The following NAT10 variants were observed in gnomAD, a reference collection of about 807,000 sequenced individuals.
NAT10 encodes RNA cytidine acetyltransferase.
NAT10 carries 109 observed loss-of-function variants against 132.2 expected under a neutral mutation model. The observed-to-expected ratio is 0.82, with a 90% confidence interval of 0.71 to 0.97. The LOEUF (loss-of-function observed/expected upper bound fraction) is 0.97, where lower values mean the gene tolerates loss of function less well. NAT10 is among the 50% of genes least tolerant of loss of function. NAT10 has a pLI of 0.00. For synonymous variants in NAT10, 479 were observed against 478.0 expected, an observed-to-expected ratio of 1.00 and a Z score of -0.03; for missense variants, 1,184 against 1,263.4, an observed-to-expected ratio of 0.94 and a Z score of 0.95.
intron 11 of NAT10, among the ~76,000 whole-genome samples, chr11:34,127,076 AGAAAG>A (rs1852008126): frequency 6.6e-6 from 1 of 152,102 alleles, no homozygotes; most frequent in Non-Finnish European, 1.5e-5. Context: ...GACAAAGGAG[AGAAAG>A]GAAAGGGAGC....
At chr11:34,141,940 T>C in intron 26 of NAT10, 123 bp downstream of exon 26, 1 of 812,954 alleles carries the variant, frequency 1.2e-6, no homozygotes, top group South Asian at 1.8e-5. Context: ...AGCTAAGTGC[T>C]ATTCTGTAGG....
intron 19 of NAT10, among the ~76,000 whole-genome samples, chr11:34,136,426 A>G (rs1852214092): frequency 6.6e-6 from 1 of 152,156 alleles, no homozygotes; most frequent in African/African-American, 2.4e-5. Context: ...CCTGCATTCT[A>G]GAGGTCTGAA....
chr11:34,120,988 G>A (rs891912277), intron 8 of NAT10, among the ~76,000 whole-genome samples: 106 of 152,288 alleles, frequency 7.0e-4, no homozygotes, highest in African/African-American at 2.4e-3. Context: ...GCCTGGGGGA[G>A]GGGTGTCCCT....
At chr11:34,135,823 C>T (rs1852199652) in intron 19 of NAT10, among the ~76,000 whole-genome samples, 1 of 152,026 alleles carries the variant, frequency 6.6e-6, no homozygotes. Context: ...ATTAGCCGAG[C>T]ATGGTGGTGC....
At chr11:34,111,922 C>A in intron 3 of NAT10, 130 bp from the exon 4 acceptor site, 1 of 1,028,330 alleles carries the variant, frequency 9.7e-7, no homozygotes, top group Non-Finnish European at 1.4e-6. Flanking sequence ...CTGAAGTGGG[C>A]CTCACACTTT....
chr11:34,136,017 G>C (rs1330788940), intron 19 of NAT10, among the ~76,000 whole-genome samples: 1 of 151,924 alleles, frequency 6.6e-6, no homozygotes, highest in Non-Finnish European at 1.5e-5. Context: ...AAGGCTGTCA[G>C]GTGATAGAAC....
At position 34,112,148 on chromosome 11, in the gene NAT10, C is replaced by G; in HGVS notation, c.297C>G (p.Ala99=). 1 of 1,614,206 alleles carries G rather than the reference C, an allele frequency of 6.2e-7. No homozygotes were observed. The highest frequency in any genetic ancestry group is 8.5e-7 in the Non-Finnish European group (1 of 1,180,052). The change falls in exon 4 of 29, where the codon GCC becomes GCG. Residue 99 remains alanine (A), a synonymous_variant. Coordinates refer to ENST00000257829, the MANE Select transcript of NAT10 (RefSeq NM_024662.3). Reference sequence around the variant, plus strand: ...ACCCCTTTGAACTCTTCATAGCAGCCACAAACATTCGCTACTGCTACTACA... The same window carrying G: ...ACCCCTTTGAACTCTTCATAGCAGCGACAAACATTCGCTACTGCTACTACA... ...QDDPFELFIA[A]TNIRYCYYNE...
Position 34,108,852 on chromosome 11 carries a change from G to T in NAT10, c.200+19G>T. On this transcript the variant is annotated intron_variant, in intron 3 of 28. Coordinates refer to ENST00000257829, the MANE Select transcript of NAT10 (RefSeq NM_024662.3). Reference sequence around the variant, plus strand: ...TTAGCAGGTAAGCTGGGCTCTTCATGTGTTTTATCCAACTTACAATTCCTG... The same window carrying T: ...TTAGCAGGTAAGCTGGGCTCTTCATTTGTTTTATCCAACTTACAATTCCTG... The T allele has an allele frequency of 6.3e-7, 1 of 1,596,262 alleles. No homozygotes were observed. The highest frequency in any genetic ancestry group is 1.4e-5 in the African/African-American group (1 of 73,866).
intron 11 of NAT10, among the ~76,000 whole-genome samples, chr11:34,125,880 G>T (rs922996023): frequency 2.0e-5 from 3 of 152,278 alleles, no homozygotes; most frequent in African/African-American, 7.2e-5. Flanking sequence ...AGGAGAATTG[G>T]TTGAACCCGA....
At chr11:34,141,418 A>T (rs984098745) in intron 25 of NAT10, among the ~76,000 whole-genome samples, 2,285 of 144,702 alleles carry the variant, frequency 0.016, 53 homozygotes, top group African/African-American at 0.049. Context: ...TCACACACAC[A>T]CACACACACA....
intron 3 of NAT10, among the ~76,000 whole-genome samples, chr11:34,109,101 G>T (rs1851648426): frequency 6.6e-6 from 1 of 152,120 alleles, no homozygotes; most frequent in Non-Finnish European, 1.5e-5. Flanking sequence ...CTCATTGCAA[G>T]TTCCTTCAAA....
At chr11:34,134,483 TA>T in intron 17 of NAT10, 28 bp from the exon 18 acceptor site, 1 of 1,614,014 alleles carries the variant, frequency 6.2e-7, no homozygotes. Flanking sequence ...TCTGTGTTGC[TA>T]AGTTACTGGT....
intron 28 of NAT10, 63 bp downstream of exon 28, chr11:34,143,591 T>G (rs1852381309): frequency 6.8e-7 from 1 of 1,470,032 alleles, no homozygotes; most frequent in African/African-American, 1.4e-5. Context: ...CTGCTTCTCT[T>G]TAACTTTGAC....
chr11:34,130,398 AC>A (rs1234085950), intron 12 of NAT10, among the ~76,000 whole-genome samples: 1 of 152,160 alleles, frequency 6.6e-6, no homozygotes, highest in Non-Finnish European at 1.5e-5. Context: ...CCGTTAGTTG[AC>A]CATTTAACTT....
intron 9 of NAT10, 52 bp downstream of exon 9, chr11:34,122,644 G>A: frequency 6.2e-7 from 1 of 1,602,186 alleles, no homozygotes; most frequent in South Asian, 1.1e-5. Flanking sequence ...TGTGGGGGTA[G>A]TGTGCAGGGT....
At chr11:34,135,789 T>A (rs1371374778) in intron 19 of NAT10, among the ~76,000 whole-genome samples, 2 of 152,030 alleles carry the variant, frequency 1.3e-5, no homozygotes, top group Non-Finnish European at 2.9e-5. Flanking sequence ...ATGGCGAAAC[T>A]CCATCTCTAC....
Position 34,140,944 on chromosome 11 carries a change from A to T in NAT10, c.2593-145A>T, listed in dbSNP as rs1037200945. 40 of 1,124,910 alleles carry T rather than the reference A, an allele frequency of 3.6e-5. No homozygotes were observed. The African/African-American group carries it at 5.8e-4, about 16-fold the overall frequency. 69.7% of individuals were successfully genotyped at this position (1,124,910 alleles called of 1,614,324 possible). On this transcript the variant is annotated intron_variant, in intron 24 of 28. Coordinates refer to ENST00000257829, the MANE Select transcript of NAT10 (RefSeq NM_024662.3). ...ATTTCTTGGTGGTCTCAGTAACAGG[A>T]TGAAAGAGAAGATGCCAATATACAC...
At chr11:34,132,758 A>G (rs1852127912) in intron 15 of NAT10, among the ~76,000 whole-genome samples, 1 of 152,212 alleles carries the variant, frequency 6.6e-6, no homozygotes, top group South Asian at 2.1e-4. Flanking sequence ...GCTGTGAAAT[A>G]AGTAGTGCTA....
intron 25 of NAT10, 26 bp from the exon 26 acceptor site, chr11:34,141,690 TCTG>T: frequency 6.2e-7 from 1 of 1,607,250 alleles, no homozygotes; most frequent in East Asian, 2.2e-5. Flanking sequence ...TCCTTCATCT[TCTG>T]CTTCTCTGTT....
Sources: allele counts gnomAD v4.1 joint callset (sites outside exome capture counted in the v4.1 genomes callset), GRCh38; gene constraint gnomAD v4.1.1; transcripts MANE v1.5; gene names NCBI Gene and HGNC (gene_info 2026-07-23, HGNC 2026-07-21).